SLC25A34: variants seen among roughly 807,000 people sequenced by gnomAD.
SLC25A34 encodes solute carrier family 25 member 34, also known as solute carrier family 25, member 34.
A neutral mutation model predicts 28.1 loss-of-function variants in SLC25A34; 26 were observed. That is an observed-to-expected ratio of 0.93 (90% CI 0.68 to 1.28). The LOEUF (loss-of-function observed/expected upper bound fraction) is 1.28, where lower values mean the gene tolerates loss of function less well. Ranked by LOEUF, SLC25A34 falls within the 50% of genes most tolerant of loss-of-function variation. The pLI is 0.00. For missense variants in SLC25A34, 384 were observed against 409.8 expected (o/e 0.94, Z 0.54); for synonymous variants, 182 against 182.2 (o/e 1.00, Z 0.01).
chr1:15,739,163 T>C, intron 4 of SLC25A34, 61 bp from the exon 5 acceptor site: 5 of 1,573,166 alleles, frequency 3.2e-6, no homozygotes, highest in Admixed American at 1.8e-5. Context: ...TGTGCCAAGA[T>C]GTGGTGCCAG....
intron 3 of SLC25A34, 57 bp downstream of exon 3, chr1:15,738,302 C>T: frequency 5.3e-6 from 8 of 1,522,086 alleles, no homozygotes; most frequent in Non-Finnish European, 7.0e-6. Flanking sequence ...CTGAGGGGGG[C>T]CACCTGCCTC....
At position 15,740,309 on chromosome 1, in the gene SLC25A34, A is replaced by C; in HGVS notation, c.*903A>C. The C allele has an allele frequency of 4.2e-5, 6 of 142,654 alleles. No individual in the cohort carries two copies. The highest frequency in any genetic ancestry group is 2.2e-4 in the South Asian group (1 of 4,500). 8.8% of individuals were successfully genotyped at this position (142,654 alleles called of 1,614,324 possible). ...TTTTTTTTTTTTGAGATGAAGTCTC[A>C]CTCTGCCACCCAAGCTGGAGTGCAG... On this transcript the variant is annotated 3_prime_UTR_variant, in exon 5 of 5. Coordinates refer to ENST00000294454, the MANE Select transcript of SLC25A34 (RefSeq NM_207348.3).
Position 15,739,246 on chromosome 1 carries a change from C to T in SLC25A34, c.755C>T (p.Thr252Ile), listed in dbSNP as rs777951749. The change falls in exon 5 of 5, where the codon ACC becomes ATC. Residue 252 changes from threonine (T) to isoleucine (I), a missense_variant. By Grantham distance (89) the Thr-to-Ile change is moderately conservative (BLOSUM62 -1). Coordinates refer to ENST00000294454, the MANE Select transcript of SLC25A34 (RefSeq NM_207348.3). Reference sequence around the variant, plus strand: ...CAGGGCCAGCTCTATGGGGGCCTCACCGACTGCATGGTGAAGATCTGGCGG... The same window carrying T: ...CAGGGCCAGCTCTATGGGGGCCTCATCGACTGCATGGTGAAGATCTGGCGG... ...AGRGQLYGGLTDCMVKIWRQE... is the reference protein window; with the variant it reads ...AGRGQLYGGLIDCMVKIWRQE... 2.5e-5 allele frequency: 40 copies of T among 1,612,486 alleles called. No homozygotes were observed. The highest frequency in any genetic ancestry group is 3.3e-5 in the Non-Finnish European group (39 of 1,179,590).
rs1279358786 is a variant in SLC25A34, at chr1:15,738,728, G to A, written c.732G>A (p.Arg244=). Residue 244 remains arginine (R), a splice_region_variant and synonymous_variant, in exon 4 of 5, where the codon AGG becomes AGA. Transcript: ENST00000294454. ...ATCAGCCGGTGGACACAGCTGGCAG[G>A]GTGAGCAGGGGCGGGTCTAGGGGAG... The part of the protein sequence containing the change: ...LYNQPVDTAG[R]GQLYGGLTDC... 2 of 1,567,364 alleles carry A rather than the reference G, an allele frequency of 1.3e-6. No individual in the cohort carries two copies. The highest frequency in any genetic ancestry group is 2.7e-5 in the African/African-American group (2 of 73,578).
chr1:15,739,036 G>A lies in SLC25A34; in HGVS notation c.733-188G>A, dbSNP rs41270297. On this transcript the variant is annotated intron_variant, in intron 4 of 4. Coordinates refer to ENST00000294454, the MANE Select transcript of SLC25A34 (RefSeq NM_207348.3). ...TGAGTTCCCCCAGCTGGTAAGGGGAGGAGCCAGAACTGGAATTCAGGCCTG... is the reference window on the plus strand; with the variant it reads ...TGAGTTCCCCCAGCTGGTAAGGGGAAGAGCCAGAACTGGAATTCAGGCCTG... The A allele has an allele frequency of 7.5e-4, 540 of 722,364 alleles. 1 individual carries two copies. The highest frequency in any genetic ancestry group is 1.1e-3 in the Non-Finnish European group (486 of 457,314). 44.7% of individuals were successfully genotyped at this position (722,364 alleles called of 1,614,324 possible). A position where few individuals can be genotyped will look rare whatever the true frequency, so the allele number is the denominator to read the frequency against.
intron 1 of SLC25A34, 173 bp downstream of exon 1, chr1:15,737,036 G>A: frequency 2.1e-6 from 2 of 955,264 alleles, no homozygotes; most frequent in Non-Finnish European, 3.0e-6. Context: ...CCTTGGCCCA[G>A]GGCCTTGCTC....
Position 15,739,668 on chromosome 1 carries a change from C to A in SLC25A34, c.*262C>A. On this transcript the variant is annotated 3_prime_UTR_variant, in exon 5 of 5. Coordinates refer to ENST00000294454, the MANE Select transcript of SLC25A34 (RefSeq NM_207348.3). Reference sequence around the variant, plus strand: ...CGTACTGGGTCACCACATCCCAGAGCCTTGCTCAGTTATAGCAACTGCTGC... The same window carrying A: ...CGTACTGGGTCACCACATCCCAGAGACTTGCTCAGTTATAGCAACTGCTGC... 2.7e-6 allele frequency: 1 copy of A among 370,544 alleles called. No individual in the cohort carries two copies. Among genetic ancestry groups the A allele is most frequent in the South Asian group, 1.1e-4 (1 of 9,334 alleles). The allele number at this position is 370,544 out of a possible 1,614,324, so 23.0% of individuals were successfully genotyped here.
chr1:15,738,688 G>A lies in SLC25A34; in HGVS notation c.692G>A (p.Ser231Asn). 6.2e-7 allele frequency: 1 copy of A among 1,603,722 alleles called. No individual in the cohort carries two copies. Among genetic ancestry groups the A allele is most frequent in the Non-Finnish European group, 8.5e-7 (1 of 1,175,504 alleles). Residue 231 changes from serine (S) to asparagine (N), a missense_variant, in exon 4 of 5, where the codon AGC (serine) becomes AAC (asparagine). By Grantham distance (46) the Ser-to-Asn change is conservative. Transcript: ENST00000294454. ...VVVMTPFDVV[S>N]TRLYNQPVDT... is the part of the protein sequence containing the mutation. ...GTCATGACTCCCTTCGATGTGGTCA[G>A]CACGCGGCTATACAATCAGCCGGTG... is the stretch of plus-strand genomic sequence containing the variant.
chr1:15,736,533 C>G lies in SLC25A34; in HGVS notation c.48C>G (p.Ala16=). The G allele has an allele frequency of 2.1e-6, 3 of 1,450,964 alleles. No individual in the cohort carries two copies. The highest frequency in any genetic ancestry group is 2.7e-6 in the Non-Finnish European group (3 of 1,101,822). 89.9% of individuals were successfully genotyped at this position (1,450,964 alleles called of 1,614,324 possible). A position where few individuals can be genotyped will look rare whatever the true frequency, so the allele number is the denominator to read the frequency against. Residue 16 remains alanine (A), a synonymous_variant, in exon 1 of 5, where the codon GCC becomes GCG. Coordinates refer to ENST00000294454, the MANE Select transcript of SLC25A34 (RefSeq NM_207348.3). ...PAVDLVLGAS[A]CCLACVFTNP... ...TGGACCTGGTGCTGGGTGCTTCTGC[C>G]TGCTGCCTGGCCTGTGTCTTCACCA...
rs759891454 is a variant in SLC25A34 at position 15,738,119 on chromosome 1, C to T, written c.471C>T (p.Ile157=). The change falls in exon 3 of 5, where the codon ATC becomes ATT. Residue 157 remains isoleucine, a synonymous_variant. Coordinates refer to ENST00000294454, the MANE Select transcript of SLC25A34 (RefSeq NM_207348.3). ...CTGTCCTGGGTGCCTTGGAGACCAT[C>T]TGGCGGCAGCAAGGGCTCTTGGGGC... ...HQTVLGALET[I]WRQQGLLGLW... 3 of 1,605,552 alleles carry T rather than the reference C, an allele frequency of 1.9e-6. No individual in the cohort carries two copies. Among genetic ancestry groups the T allele is most frequent in the Non-Finnish European group, 2.6e-6 (3 of 1,174,542 alleles).
At chr1:15,738,283 C>T (rs1313948852) in intron 3 of SLC25A34, 38 bp downstream of exon 3, 3 of 1,548,050 alleles carry the variant, frequency 1.9e-6, no homozygotes, top group Non-Finnish European at 1.7e-6. Flanking sequence ...TCCACAGAGA[C>T]ACACCGGACT....
chr1:15,739,245 A>G lies in SLC25A34; in HGVS notation c.754A>G (p.Thr252Ala). Residue 252 changes from threonine to alanine, a missense_variant, in exon 5 of 5, where the codon ACC becomes GCC. Transcript: ENST00000294454. ...AGRGQLYGGLTDCMVKIWRQE... is the reference protein window; with the variant it reads ...AGRGQLYGGLADCMVKIWRQE... ...CCAGGGCCAGCTCTATGGGGGCCTC[A>G]CCGACTGCATGGTGAAGATCTGGCG... 1 of 1,612,500 alleles carries G rather than the reference A, an allele frequency of 6.2e-7. No individual in the cohort carries two copies. The highest frequency in any genetic ancestry group is 1.1e-5 in the South Asian group (1 of 91,014).
Position 15,736,493 on chromosome 1 carries a change from C to A in SLC25A34, c.8C>A (p.Thr3Lys), listed in dbSNP as rs546244503. The part of the protein sequence containing the change: ME[T>K]VPPAVDLVLG... ...GCCACTGGCCCGGAGGCCATGGAGACGGTGCCCCCAGCAGTGGACCTGGTG... is the reference window on the plus strand; with the variant it reads ...GCCACTGGCCCGGAGGCCATGGAGAAGGTGCCCCCAGCAGTGGACCTGGTG... Residue 3 changes from threonine to lysine, a missense_variant, in exon 1 of 5, where the codon ACG becomes AAG. Coordinates refer to ENST00000294454, the MANE Select transcript of SLC25A34 (RefSeq NM_207348.3). The A allele has an allele frequency of 6.9e-7, 1 of 1,446,820 alleles. No individual in the cohort carries two copies. The highest frequency in any genetic ancestry group is 2.6e-5 in the East Asian group (1 of 38,790). The allele number at this position is 1,446,820 out of a possible 1,614,324, so 89.6% of individuals were successfully genotyped here.
intron 1 of SLC25A34, 173 bp downstream of exon 1, chr1:15,737,036 G>C (rs1391585807): frequency 1.0e-6 from 1 of 955,146 alleles, no homozygotes; most frequent in Non-Finnish European, 1.5e-6. Context: ...CCTTGGCCCA[G>C]GGCCTTGCTC....
chr1:15,737,781 CCTATTTCA>C lies in SLC25A34; in HGVS notation c.379-145_379-138del, dbSNP rs1048849079. On this transcript the variant is annotated intron_variant, in intron 1 of 4. Coordinates refer to ENST00000294454, the MANE Select transcript of SLC25A34 (RefSeq NM_207348.3). ...GCCAACCCCAGAGCTGCACCTCAAC[CCTATTTCA>C]CTTGACCCCTAAGCTTCAGGCTCGG... The C allele has an allele frequency of 3.7e-6, 3 of 809,212 alleles. No homozygotes were observed. In the African/African-American group the frequency reaches 5.2e-5, roughly 14 times the overall value. 50.1% of individuals were successfully genotyped at this position (809,212 alleles called of 1,614,324 possible).
rs1429470958 is a variant in SLC25A34 at position 15,740,644 on chromosome 1, G to C, written c.*1238G>C. ...ATACAGTCACATCCTGAGCTACTAG[G>C]GGGTAGGACTTCAACATGCACTTCT... On this transcript the variant is annotated 3_prime_UTR_variant, in exon 5 of 5. Transcript: ENST00000294454. 2 of 152,188 alleles carry C rather than the reference G, an allele frequency of 1.3e-5. No homozygotes were observed. The highest frequency in any genetic ancestry group is 4.8e-5 in the African/African-American group (2 of 41,414). 9.4% of individuals were successfully genotyped at this position (152,188 alleles called of 1,614,324 possible). A position where few individuals can be genotyped will look rare whatever the true frequency, so the allele number is the denominator to read the frequency against.
At chr1:15,738,817 CACTCA>C in intron 4 of SLC25A34, 89 bp downstream of exon 4, 30 of 1,392,092 alleles carry the variant, frequency 2.2e-5, no homozygotes, top group Non-Finnish European at 2.5e-5. Flanking sequence ...CACACACTCA[CACTCA>C]CACATGCACA....
intron 1 of SLC25A34, 126 bp from the exon 2 acceptor site, chr1:15,737,803 C>T (rs1407292176): frequency 1.1e-5 from 12 of 1,055,548 alleles, no homozygotes; most frequent in Non-Finnish European, 1.6e-5. Flanking sequence ...GACCCCTAAG[C>T]TTCAGGCTCG....
chr1:15,739,978 C>T lies in SLC25A34; in HGVS notation c.*572C>T, dbSNP rs1260700487. On this transcript the variant is annotated 3_prime_UTR_variant, in exon 5 of 5. Transcript: ENST00000294454. Reference sequence around the variant, plus strand: ...GTACCATGGCAAAGGCTGAGGTGCACCAGGAGGCTGTGGCGTCGTCACCTG... The same window carrying T: ...GTACCATGGCAAAGGCTGAGGTGCATCAGGAGGCTGTGGCGTCGTCACCTG... The T allele has an allele frequency of 6.6e-6, 1 of 152,258 alleles. No individual in the cohort carries two copies. The highest frequency in any genetic ancestry group is 1.5e-5 in the Non-Finnish European group (1 of 68,086). 9.4% of individuals were successfully genotyped at this position (152,258 alleles called of 1,614,324 possible). A position where few individuals can be genotyped will look rare whatever the true frequency, so the allele number is the denominator to read the frequency against.
Sources: gnomAD v4.1 joint callset for allele counts on GRCh38, gnomAD v4.1.1 for gene constraint, MANE v1.5 for transcripts, NCBI Gene and HGNC (gene_info 2026-07-23, HGNC 2026-07-21) for gene names.